The following GRIA2 variants were observed in gnomAD, a reference collection of about 807,000 sequenced individuals.
The protein encoded by GRIA2 is glutamate receptor 2.
Under a neutral mutation model 97.3 loss-of-function variants are expected in GRIA2, and 14 were observed. The ratio of observed to expected loss-of-function variants is 0.14; its 90% CI spans 0.10 to 0.23. GRIA2 has a LOEUF of 0.23. GRIA2 is among the 10% of genes least tolerant of loss of function. The probability of loss-of-function intolerance (pLI) is 1.00; values close to 1 mark genes in which losing one functional copy is unlikely to be tolerated. For missense variants in GRIA2, 558 were observed against 1,069.8 expected, an observed-to-expected ratio of 0.52 and a Z score of 6.67; for synonymous variants, 412 against 387.8, an observed-to-expected ratio of 1.06 and a Z score of -0.73.
intron 6 of GRIA2, among the ~76,000 whole-genome samples, chr4:157,323,336 CAAAAAAAAAAAAAAA>C (rs779080483): frequency 3.9e-5 from 2 of 51,436 alleles, no homozygotes; most frequent in South Asian, 1.4e-3. Flanking sequence ...GACTCTGTCT[CAAAAAAAAAAAAAAA>C]AAAAAAAAAA....
intron 12 of GRIA2, among the ~76,000 whole-genome samples, chr4:157,353,031 C>G (rs1454203409): frequency 6.6e-6 from 1 of 151,900 alleles, no homozygotes; most frequent in African/African-American, 2.4e-5. Context: ...GCACTTCAGC[C>G]TGGGCGACAG....
intron 7 of GRIA2, 57 bp downstream of exon 7, chr4:157,333,043 C>A: frequency 7.4e-7 from 1 of 1,346,558 alleles, no homozygotes; most frequent in Non-Finnish European, 1.0e-6. Flanking sequence ...ATGTTTTCTT[C>A]CTGCTAAATT....
intron 3 of GRIA2, among the ~76,000 whole-genome samples, chr4:157,309,260 T>C (rs1733968080): frequency 6.6e-6 from 1 of 152,130 alleles, no homozygotes; most frequent in African/African-American, 2.4e-5. Flanking sequence ...CTTGAGAGTT[T>C]TAATAACAGT....
chr4:157,289,202 A>C (rs1185933385), intron 2 of GRIA2, among the ~76,000 whole-genome samples: 1 of 151,902 alleles, frequency 6.6e-6, no homozygotes, highest in Non-Finnish European at 1.5e-5. Flanking sequence ...TTTTTAAAAA[A>C]ACTAATTTCA....
chr4:157,303,399 GTGT>G lies in GRIA2; in HGVS notation c.230-151_230-149del, dbSNP rs1657467945. ...CACAAATAGAATGCTAAGTAAATAA[GTGT>G]TAATAAATTACAATGGATCATTAAA... On this transcript the variant is annotated intron_variant, in intron 2 of 15. Transcript: ENST00000264426. Among the ~76,000 whole-genome samples, 3 of 152,100 alleles carry G rather than the reference GTGT, an allele frequency of 2.0e-5. No homozygotes were observed. In the South Asian group the frequency reaches 6.2e-4, roughly 31 times the overall value.
In GRIA2 at chr4:157,363,894, T is replaced by G. The variant is rs1231752989; in HGVS notation, c.*463T>G. 4.5e-6 allele frequency: 1 copy of G among 224,300 alleles called. No homozygotes were observed. Among genetic ancestry groups the G allele is most frequent in the Non-Finnish European group, 8.7e-6 (1 of 115,524 alleles). 13.9% of individuals were successfully genotyped at this position (224,300 alleles called of 1,614,324 possible). On this transcript the variant is annotated 3_prime_UTR_variant, in exon 16 of 16. Transcript: ENST00000264426. ...GCAGCCACTATTGTTAGTCTCTTGA[T>G]TCATAATGACTTAAGCACACTTGAC...
intron 2 of GRIA2, among the ~76,000 whole-genome samples, chr4:157,294,569 AATG>A (rs1733256687): frequency 6.6e-6 from 1 of 152,172 alleles, no homozygotes; most frequent in Non-Finnish European, 1.5e-5. Flanking sequence ...TAAAACAGAG[AATG>A]ATATTATTTA....
chr4:157,295,969 T>C (rs1474489568), intron 2 of GRIA2, among the ~76,000 whole-genome samples: 1 of 152,162 alleles, frequency 6.6e-6, no homozygotes, highest in East Asian at 1.9e-4. Flanking sequence ...TGTGCAAAAT[T>C]TGTTATTGGG....
chr4:157,291,958 A>G (rs1294724055), intron 2 of GRIA2, among the ~76,000 whole-genome samples: 1 of 152,070 alleles, frequency 6.6e-6, no homozygotes, highest in African/African-American at 2.4e-5. Flanking sequence ...TAAGAAAGAT[A>G]TAAAATATCT....
At chr4:157,254,413 AC>A (rs1408488277) in intron 2 of GRIA2, among the ~76,000 whole-genome samples, 1 of 152,104 alleles carries the variant, frequency 6.6e-6, no homozygotes, top group African/African-American at 2.4e-5. Context: ...GATAGAGTTA[AC>A]CCATTTAAAA....
Position 157,232,350 on chromosome 4 carries a change from C to T in GRIA2, c.229+10543C>T, listed in dbSNP as rs147497154. ...TCTCTATAAGGGTGTGTGTGCTTTG[C>T]TAGGTTTTCTTGAGAAGTACATTTC... On this transcript the variant is annotated intron_variant, in intron 2 of 15. Coordinates refer to ENST00000264426, the MANE Select transcript of GRIA2 (RefSeq NM_001083619.3). 3.6e-3 allele frequency among the ~76,000 whole-genome samples: 543 copies of T among 152,168 alleles called. 15 individuals carry two copies. The highest frequency in any genetic ancestry group is 0.033 in the Admixed American group (506 of 15,278).
chr4:157,293,173 G>T (rs1270753433), intron 2 of GRIA2, among the ~76,000 whole-genome samples: 2 of 152,092 alleles, frequency 1.3e-5, no homozygotes, highest in Non-Finnish European at 2.9e-5. Context: ...CCCAGCATAA[G>T]ATTTGACCAA....
At chr4:157,327,506 T>C (rs1734856853) in intron 6 of GRIA2, among the ~76,000 whole-genome samples, 1 of 152,140 alleles carries the variant, frequency 6.6e-6, no homozygotes, top group Non-Finnish European at 1.5e-5. Context: ...AAGTAATTTT[T>C]TTAAAGAGAA....
chr4:157,327,634 A>T (rs775252298), intron 6 of GRIA2, among the ~76,000 whole-genome samples: 10 of 152,202 alleles, frequency 6.6e-5, no homozygotes, highest in Non-Finnish European at 1.3e-4. Context: ...TAGCCATTCT[A>T]CCTTATCACA....
In GRIA2 at chr4:157,335,718, C is replaced by T. The variant is rs776997647; in HGVS notation, c.1314C>T (p.Gly438=). The part of the protein sequence containing the change: ...MMKKNHEMLE[G]NERYEGYCVD... ...AGAAAAATCATGAAATGCTTGAAGGCAATGAGCGCTATGAGGGCTACTGTG... is the reference window on the plus strand; with the variant it reads ...AGAAAAATCATGAAATGCTTGAAGGTAATGAGCGCTATGAGGGCTACTGTG... Residue 438 remains glycine (G), a synonymous_variant, in exon 10 of 16, where the codon GGC becomes GGT. Transcript: ENST00000264426. 1.1e-5 allele frequency: 17 copies of T among 1,611,982 alleles called. No homozygotes were observed. In the South Asian group the frequency reaches 1.8e-4, roughly 17 times the overall value.
At chr4:157,290,782 T>TA (rs1427469408) in intron 2 of GRIA2, among the ~76,000 whole-genome samples, 4 of 151,836 alleles carry the variant, frequency 2.6e-5, no homozygotes, top group Admixed American at 6.6e-5. Flanking sequence ...TTGTTTTTTT[T>TA]ATGATATCAT....
intron 2 of GRIA2, among the ~76,000 whole-genome samples, chr4:157,291,967 C>T (rs958572316): frequency 2.6e-5 from 4 of 151,810 alleles, no homozygotes; most frequent in African/African-American, 9.7e-5. Flanking sequence ...TATAAAATAT[C>T]TAGGGATAAA....
At chr4:157,284,339 G>T (rs1238463535) in intron 2 of GRIA2, among the ~76,000 whole-genome samples, 7 of 151,744 alleles carry the variant, frequency 4.6e-5, no homozygotes, top group African/African-American at 1.7e-4. Context: ...TGAGACTTTT[G>T]TGGACTTACA....
intron 12 of GRIA2, among the ~76,000 whole-genome samples, chr4:157,343,154 G>T (rs1340981750): frequency 1.3e-5 from 2 of 152,030 alleles, no homozygotes; most frequent in Non-Finnish European, 2.9e-5. Context: ...GGTTGTATAA[G>T]GTTGTGGAGC....
Sources: allele counts gnomAD v4.1 joint callset (sites outside exome capture counted in the v4.1 genomes callset), GRCh38; gene constraint gnomAD v4.1.1; transcripts MANE v1.5; gene names NCBI Gene and HGNC (gene_info 2026-07-23, HGNC 2026-07-21).